PHLPP1: variants seen among roughly 807,000 people sequenced by gnomAD.
PHLPP1 encodes the protein PH domain and leucine rich repeat protein phosphatase 1, also known as PH domain leucine-rich repeat-containing protein phosphatase 1.
In PHLPP1, 42 loss-of-function variants were observed where a neutral mutation model predicts 117.2. That is an observed-to-expected ratio of 0.36 (90% CI 0.28 to 0.46). PHLPP1 has a LOEUF of 0.46. PHLPP1 is among the 20% of genes least tolerant of loss of function. The pLI, the probability that PHLPP1 is intolerant of heterozygous loss-of-function variation, is 1.00. For missense variants in PHLPP1, 2,084 were observed against 2,241.9 expected (o/e 0.93, Z 1.42); for synonymous variants, 1,042 against 970.7 (o/e 1.07, Z -1.37).
At chr18:62,811,141 A>C (rs571608154) in intron 1 of PHLPP1, among the ~76,000 whole-genome samples, 1 of 152,230 alleles carries the variant, frequency 6.6e-6, no homozygotes, top group Non-Finnish European at 1.5e-5. Context: ...AAAATAATTC[A>C]GTAGTAGAAA....
At chr18:62,941,978 A>G (rs1910144675) in intron 11 of PHLPP1, 60 bp downstream of exon 11, 2 of 1,321,544 alleles carry the variant, frequency 1.5e-6, no homozygotes, top group Non-Finnish European at 2.2e-6. Context: ...ATTCATAGAA[A>G]GGTGAAGGCT....
At chr18:62,869,027 T>G (rs1291140017) in intron 4 of PHLPP1, among the ~76,000 whole-genome samples, 1 of 152,240 alleles carries the variant, frequency 6.6e-6, no homozygotes, top group African/African-American at 2.4e-5. Context: ...TTGAGAATAC[T>G]CAAGCTGTAT....
chr18:62,963,344 T>G (rs1471427896), intron 13 of PHLPP1, 24 bp from the exon 14 acceptor site: 1 of 1,530,618 alleles, frequency 6.5e-7, no homozygotes, highest in Non-Finnish European at 9.0e-7. Flanking sequence ...ATGATTCCTG[T>G]TCCCTCCCTG....
chr18:62,780,652 G>T (rs970248100), intron 1 of PHLPP1, among the ~76,000 whole-genome samples: 5 of 152,224 alleles, frequency 3.3e-5, no homozygotes, highest in Non-Finnish European at 7.3e-5. Context: ...TTCTGATTCA[G>T]TAGGTCTGGA....
At chr18:62,935,117 T>C (rs111548836) in intron 10 of PHLPP1, among the ~76,000 whole-genome samples, 73 of 152,332 alleles carry the variant, frequency 4.8e-4, no homozygotes, top group African/African-American at 1.6e-3. Flanking sequence ...AACATGATAG[T>C]ATACTTGGAA....
At chr18:62,727,303 C>T (rs1184323028) in intron 1 of PHLPP1, among the ~76,000 whole-genome samples, 1 of 150,470 alleles carries the variant, frequency 6.6e-6, no homozygotes, top group African/African-American at 2.4e-5. Flanking sequence ...TGTGTTCTTT[C>T]TTCACTGATT....
chr18:62,860,886 T>C (rs1159027260), intron 4 of PHLPP1, among the ~76,000 whole-genome samples: 1 of 152,226 alleles, frequency 6.6e-6, no homozygotes, highest in Non-Finnish European at 1.5e-5. Context: ...TATCTAAAAA[T>C]GCATGTGCAA....
chr18:62,894,858 C>G (rs1443816606), intron 4 of PHLPP1, among the ~76,000 whole-genome samples, 153 bp from the exon 5 acceptor site: 3 of 152,186 alleles, frequency 2.0e-5, no homozygotes, highest in African/African-American at 4.8e-5. Context: ...GATGTGCATT[C>G]CAGTGCTGCT....
intron 6 of PHLPP1, among the ~76,000 whole-genome samples, chr18:62,897,977 A>G (rs533376669): frequency 1.1e-5 from 1 of 88,622 alleles, no homozygotes; most frequent in Non-Finnish European, 3.3e-5. Context: ...TGAGTTTGAT[A>G]TTATTTCTTC....
intron 3 of PHLPP1, chr18:62,839,325 C>T (rs1376299916): frequency 6.3e-6 from 1 of 158,474 alleles, no homozygotes; most frequent in Non-Finnish European, 1.4e-5. Context: ...CTCCCCTTCA[C>T]CTTTATTCTG....
chr18:62,731,674 A>G (rs575921569), intron 1 of PHLPP1, among the ~76,000 whole-genome samples: 9 of 152,366 alleles, frequency 5.9e-5, no homozygotes, highest in African/African-American at 1.9e-4. Context: ...AAATCTGACA[A>G]AGGCCAAAAG....
At position 62,979,797 on chromosome 18, in the gene PHLPP1, T is replaced by G. The variant is rs540651047; in HGVS notation, c.*366T>G. 32 of 190,380 alleles carry G rather than the reference T, an allele frequency of 1.7e-4. No individual in the cohort carries two copies. The highest frequency in any genetic ancestry group is 1.6e-3 in the Admixed American group (29 of 17,728). 11.8% of individuals were successfully genotyped at this position (190,380 alleles called of 1,614,324 possible). On this transcript the variant is annotated 3_prime_UTR_variant, in exon 17 of 17. Transcript: ENST00000262719. ...GGAAGGCAGGGCAGGCTGCCGTTGC[T>G]AAATGATTTAATAATATTGTAATTC... is the stretch of plus-strand genomic sequence containing the variant.
At chr18:62,760,000 T>C (rs1320231730) in intron 1 of PHLPP1, among the ~76,000 whole-genome samples, 2 of 152,232 alleles carry the variant, frequency 1.3e-5, no homozygotes, top group Non-Finnish European at 2.9e-5. Flanking sequence ...TCTTTGCCCC[T>C]TGGGTTCCAT....
intron 9 of PHLPP1, among the ~76,000 whole-genome samples, chr18:62,917,922 G>A (rs1051826120): frequency 2.6e-5 from 4 of 151,566 alleles, no homozygotes; most frequent in Non-Finnish European, 1.5e-5. Context: ...GAGTTTGACA[G>A]GGCCAGGCAC....
In PHLPP1 at chr18:62,803,435, G is replaced by C. The variant is rs930026253; in HGVS notation, c.1577-26600G>C. 3.3e-5 allele frequency among the ~76,000 whole-genome samples: 5 copies of C among 151,824 alleles called. No homozygotes were observed. The South Asian group carries it at 8.3e-4, about 25-fold the overall frequency. ...ATTTCTAACACTCTAGCTTAGTTCT[G>C]CTCATTTTGAGCTTTATATAAATAG... On this transcript the variant is annotated intron_variant, in intron 1 of 16. Transcript: ENST00000262719.
At position 62,717,912 on chromosome 18, in the gene PHLPP1, G is replaced by A. The variant is rs1224690141; in HGVS notation, c.1576+653G>A. Reference sequence around the variant, plus strand: ...TGTCTTGCATAAAAAAAAAGATTTTGCCTGTTTCTCTCATTTTCTTCCAGC... The same window carrying A: ...TGTCTTGCATAAAAAAAAAGATTTTACCTGTTTCTCTCATTTTCTTCCAGC... On this transcript the variant is annotated intron_variant, in intron 1 of 16. Coordinates refer to ENST00000262719, the MANE Select transcript of PHLPP1 (RefSeq NM_194449.4). 2.6e-5 allele frequency among the ~76,000 whole-genome samples: 4 copies of A among 152,104 alleles called. No homozygotes were observed. In the East Asian group the frequency reaches 7.7e-4, roughly 29 times the overall value.
intron 3 of PHLPP1, among the ~76,000 whole-genome samples, chr18:62,857,017 C>T (rs1915515840): frequency 6.6e-6 from 1 of 151,824 alleles, no homozygotes; most frequent in African/African-American, 2.4e-5. Flanking sequence ...GAGGGATCTT[C>T]ATTTTGTTTT....
intron 3 of PHLPP1, among the ~76,000 whole-genome samples, chr18:62,859,004 T>C (rs1351917900): frequency 6.6e-6 from 1 of 152,204 alleles, no homozygotes; most frequent in Non-Finnish European, 1.5e-5. Flanking sequence ...GTGGTGGTGC[T>C]GGGCTATGAA....
At chr18:62,744,852 A>C (rs551835997) in intron 1 of PHLPP1, among the ~76,000 whole-genome samples, 4 of 152,248 alleles carry the variant, frequency 2.6e-5, no homozygotes, top group Non-Finnish European at 4.4e-5. Flanking sequence ...GACATTAGTC[A>C]CATGTAAATC....
Sources: gnomAD v4.1 joint callset for allele counts (sites outside exome capture counted in the v4.1 genomes callset) on GRCh38, gnomAD v4.1.1 for gene constraint, MANE v1.5 for transcripts, NCBI Gene and HGNC (gene_info 2026-07-23, HGNC 2026-07-21) for gene names.